Variants in ANXA6 observed in about 807,000 individuals in gnomAD.
ANXA6 encodes annexin A6.
ANXA6 carries 71 observed loss-of-function variants against 95.4 expected under a neutral mutation model. The observed-to-expected ratio is 0.74, with a 90% confidence interval of 0.61 to 0.91. The LOEUF (loss-of-function observed/expected upper bound fraction) is 0.91, where lower values mean the gene tolerates loss of function less well. Ranked by LOEUF, ANXA6 falls within the 40% of genes least tolerant of loss-of-function variation. ANXA6 has a pLI of 0.00. For synonymous variants in ANXA6, 289 were observed against 315.9 expected, an observed-to-expected ratio of 0.91 and a Z score of 0.90; for missense variants, 830 against 876.4, an observed-to-expected ratio of 0.95 and a Z score of 0.67.
intron 12 of ANXA6, 98 bp from the exon 13 acceptor site, chr5:151,128,337 G>A: frequency 9.8e-7 from 1 of 1,022,546 alleles, no homozygotes; most frequent in South Asian, 1.4e-5. Context: ...GGGGAAGGCT[G>A]AATGAACACT....
intron 4 of ANXA6, 56 bp from the exon 5 acceptor site, chr5:151,138,847 C>G: frequency 8.1e-7 from 1 of 1,233,638 alleles, no homozygotes; most frequent in Non-Finnish European, 1.2e-6. Flanking sequence ...GTAGTTACAA[C>G]GGTAAGAATT....
At chr5:151,124,671 T>G (rs1305287336) in intron 14 of ANXA6, among the ~76,000 whole-genome samples, 1 of 152,240 alleles carries the variant, frequency 6.6e-6, no homozygotes, top group Non-Finnish European at 1.5e-5. Context: ...GGGATCTGCC[T>G]CGGTTCTAGT....
chr5:151,137,161 T>C, intron 6 of ANXA6, 70 bp downstream of exon 6: 1 of 1,305,226 alleles, frequency 7.7e-7, no homozygotes, highest in Non-Finnish European at 1.1e-6. Context: ...AGAATCTTAG[T>C]GTCCCCACTG....
In ANXA6 at chr5:151,136,244, CT is replaced by C. The variant is rs1254476084; in HGVS notation, c.489+11del. ...CCAAGCTCCAGAGGAAAAAAATAGG[CT>C]GTGAACCAACCTGGAGCAGGACCAC... On this transcript the variant is annotated intron_variant, in intron 7 of 25. Coordinates refer to ENST00000354546, the MANE Select transcript of ANXA6 (RefSeq NM_001155.5). The C allele has an allele frequency of 2.5e-6, 4 of 1,613,608 alleles. No homozygotes were observed. Among genetic ancestry groups the C allele is most frequent in the Admixed American group, 1.7e-5 (1 of 59,994 alleles).
At chr5:151,118,502 C>T (rs752258095) in intron 18 of ANXA6, among the ~76,000 whole-genome samples, 7 of 151,996 alleles carry the variant, frequency 4.6e-5, no homozygotes, top group East Asian at 1.9e-4. Context: ...GGCGTGATAT[C>T]GGCTCACTGC....
At chr5:151,138,655 C>T (rs1339047898) in intron 5 of ANXA6, 23 bp downstream of exon 5, 1 of 1,566,650 alleles carries the variant, frequency 6.4e-7, no homozygotes. Context: ...CACCCCAACA[C>T]CACATACACC....
intron 1 of ANXA6, among the ~76,000 whole-genome samples, chr5:151,153,623 C>A (rs538630901): frequency 6.6e-6 from 1 of 152,176 alleles, no homozygotes; most frequent in Non-Finnish European, 1.5e-5. Context: ...TTGTCTGACT[C>A]GAGACTTTCA....
At chr5:151,122,881 G>C in intron 16 of ANXA6, 36 bp downstream of exon 16, 1 of 1,580,090 alleles carries the variant, frequency 6.3e-7, no homozygotes, top group Middle Eastern at 1.7e-4. Flanking sequence ...CAAGGTGCAT[G>C]CATGTTGCAC....
intron 2 of ANXA6, among the ~76,000 whole-genome samples, chr5:151,140,821 T>C (rs751438738): frequency 6.6e-6 from 1 of 152,214 alleles, no homozygotes; most frequent in African/African-American, 2.4e-5. Flanking sequence ...AGATTATTTC[T>C]ATCACAGAAG....
In ANXA6 at chr5:151,137,376, C is replaced by T. The variant is rs148162063; in HGVS notation, c.319-55G>A. 4,388 of 1,481,632 alleles carry T rather than the reference C, an allele frequency of 3.0e-3. 14 individuals are homozygous for T. The highest frequency in any genetic ancestry group is 3.5e-3 in the Non-Finnish European group (3,774 of 1,074,834). 91.8% of individuals were successfully genotyped at this position (1,481,632 alleles called of 1,614,324 possible). ...AGGGCAGGGATGGGAGGTCACTGGACACAGGTTGGGATCAGGGAGTGGCCA... is the reference window on the plus strand; with the variant it reads ...AGGGCAGGGATGGGAGGTCACTGGATACAGGTTGGGATCAGGGAGTGGCCA... On this transcript the variant is annotated intron_variant, in intron 5 of 25. Coordinates refer to ENST00000354546, the MANE Select transcript of ANXA6 (RefSeq NM_001155.5).
intron 3 of ANXA6, 90 bp from the exon 4 acceptor site, chr5:151,139,537 A>G: frequency 1.2e-6 from 1 of 824,046 alleles, no homozygotes; most frequent in Non-Finnish European, 2.1e-6. Flanking sequence ...CAGGCCTAGT[A>G]GCTCCCTGCA....
chr5:151,130,875 T>C (rs564378709), intron 11 of ANXA6, among the ~76,000 whole-genome samples: 7 of 152,244 alleles, frequency 4.6e-5, no homozygotes, highest in Non-Finnish European at 1.0e-4. Context: ...GTGAGCATCA[T>C]GAGTCTTAGC....
intron 2 of ANXA6, among the ~76,000 whole-genome samples, chr5:151,142,733 A>T (rs1765870374): frequency 6.6e-6 from 1 of 152,206 alleles, no homozygotes; most frequent in African/African-American, 2.4e-5. Context: ...TGACGGCCCA[A>T]GCTCTGAGAT....
At position 151,131,307 on chromosome 5, in the gene ANXA6, G is replaced by A. The variant is rs1481754392; in HGVS notation, c.737-18C>T. On this transcript the variant is annotated intron_variant, in intron 10 of 25. Transcript: ENST00000354546. ...ACACTTCACTGTGAAGAGGGAGGAA[G>A]AGGTAGAGTTATTCTGGCTGCCTCA... The A allele has an allele frequency of 6.2e-7, 1 of 1,613,652 alleles. No individual in the cohort carries two copies. The highest frequency in any genetic ancestry group is 2.2e-5 in the East Asian group (1 of 44,888).
chr5:151,109,817 T>G lies in ANXA6; in HGVS notation c.1620A>C (p.Lys540Asn). The change falls in exon 22 of 26, where the codon AAA becomes AAC. Residue 540 changes from lysine to asparagine, a missense_variant. Transcript: ENST00000354546. ...TCATGAAACGTGTCTCCAAGGAAGT[T>G]TTGTCTCCACTAGGTGTGTCTGCTA... ...LEIADTPSGDKTSLETRFMTI... is the reference protein window; with the variant it reads ...LEIADTPSGDNTSLETRFMTI... 6.2e-7 allele frequency: 1 copy of G among 1,610,840 alleles called. No individual in the cohort carries two copies. Among genetic ancestry groups the G allele is most frequent in the South Asian group, 1.1e-5 (1 of 90,386 alleles).
chr5:151,120,952 C>T (rs1001151504), intron 17 of ANXA6, among the ~76,000 whole-genome samples: 1 of 152,120 alleles, frequency 6.6e-6, no homozygotes, highest in Non-Finnish European at 1.5e-5. Flanking sequence ...CTCTCTGTTT[C>T]CCACTTGGAA....
chr5:151,134,881 T>C (rs984929459), intron 7 of ANXA6, among the ~76,000 whole-genome samples: 4 of 152,148 alleles, frequency 2.6e-5, no homozygotes, highest in African/African-American at 9.7e-5. Flanking sequence ...GGGCAAAGGA[T>C]CTGAACATTT....
chr5:151,117,652 T>G, intron 19 of ANXA6, 106 bp downstream of exon 19: 1 of 937,992 alleles, frequency 1.1e-6, no homozygotes, highest in East Asian at 2.7e-5. Flanking sequence ...CCCCTCTCCA[T>G]CAGGAGTGCA....
In ANXA6 at chr5:151,139,867, G is replaced by A. The variant is rs151267791; in HGVS notation, c.109+286C>T. ...CTGCCTCTGGGCAAAGGCAGCGGGC[G>A]GCATTATCAGGAGGGGGATCTACCA... is the stretch of plus-strand genomic sequence containing the variant. On this transcript the variant is annotated intron_variant, in intron 3 of 25. Transcript: ENST00000354546. 3.4e-4 allele frequency among the ~76,000 whole-genome samples: 52 copies of A among 152,256 alleles called. No individual in the cohort carries two copies. The East Asian group carries it at 8.5e-3, about 25-fold the overall frequency.
Sources: gnomAD v4.1 joint callset for allele counts (sites outside exome capture counted in the v4.1 genomes callset) on GRCh38, gnomAD v4.1.1 for gene constraint, MANE v1.5 for transcripts, NCBI Gene and HGNC (gene_info 2026-07-23, HGNC 2026-07-21) for gene names.